PRIM2: variants seen among roughly 807,000 people sequenced by gnomAD.
PRIM2 encodes the protein DNA primase large subunit.
In PRIM2, 39 loss-of-function variants were observed where a neutral mutation model predicts 67.3. The observed-to-expected ratio is 0.58, with a 90% CI of 0.45 to 0.76. PRIM2 has a LOEUF of 0.76. Ranked by LOEUF, PRIM2 falls within the 30% of genes least tolerant of loss-of-function variation. PRIM2 has a pLI of 0.00. For missense variants in PRIM2, 398 were observed against 598.7 expected, an observed-to-expected ratio of 0.66 and a Z score of 3.50; for synonymous variants, 143 against 198.7, an observed-to-expected ratio of 0.72 and a Z score of 2.36.
At chr6:57,500,714 G>T (rs1554346777) in intron 7 of PRIM2, among the ~76,000 whole-genome samples, 7,577 of 152,238 alleles carry the variant, frequency 0.05, 357 homozygotes, top group African/African-American at 0.12. Flanking sequence ...TAACTGTCAT[G>T]GAGTCTTGGG....
intron 8 of PRIM2, among the ~76,000 whole-genome samples, chr6:57,510,262 G>T (rs1219009316): frequency 6.6e-6 from 1 of 152,092 alleles, no homozygotes; most frequent in Non-Finnish European, 1.5e-5. Context: ...TTGAATGAAT[G>T]AATACAAGTT....
chr6:57,230,433 A>G, the PRIM2 span, among the ~76,000 whole-genome samples: 4 of 152,018 alleles, frequency 2.6e-5, no homozygotes, highest in Non-Finnish European at 4.4e-5. Flanking sequence ...CTTTGTTTTG[A>G]CATAGGCTAT....
intron 7 of PRIM2, among the ~76,000 whole-genome samples, chr6:57,388,245 G>A (rs1379622185): frequency 1.3e-5 from 2 of 152,196 alleles, no homozygotes; most frequent in African/African-American, 4.8e-5. Flanking sequence ...TTAAATAGAT[G>A]ACTGTGGCTG....
chr6:57,325,301 C>G (rs1232579785), intron 4 of PRIM2, among the ~76,000 whole-genome samples: 1 of 91,858 alleles, frequency 1.1e-5, no homozygotes, highest in Non-Finnish European at 2.4e-5. Flanking sequence ...TTTTCTCTCT[C>G]TCTCTTTTTT....
chr6:57,631,323 G>A (rs1218523556), intron 12 of PRIM2, among the ~76,000 whole-genome samples: 1 of 152,108 alleles, frequency 6.6e-6, no homozygotes, highest in Non-Finnish European at 1.5e-5. Flanking sequence ...GCATTTTACT[G>A]CATTTGATAA....
chr6:57,345,175 T>C (rs1363431717), intron 5 of PRIM2, among the ~76,000 whole-genome samples: 1 of 152,066 alleles, frequency 6.6e-6, no homozygotes, highest in Non-Finnish European at 1.5e-5. Flanking sequence ...ATTTTTTTTT[T>C]TGAGACAGGG....
chr6:57,301,708 T>C, the PRIM2 span, among the ~76,000 whole-genome samples: 70 of 152,232 alleles, frequency 4.6e-4, no homozygotes, highest in African/African-American at 1.6e-3. Context: ...TGCTAGCTAC[T>C]TGGTGGCTGG....
intron 7 of PRIM2, among the ~76,000 whole-genome samples, chr6:57,397,897 T>A (rs1335620343): frequency 4.5e-5 from 1 of 22,358 alleles, no homozygotes; most frequent in Non-Finnish European, 8.7e-5. Context: ...ATCTTTCTAA[T>A]TTTTTTTTTT....
chr6:57,522,883 T>C (rs1292217073), intron 8 of PRIM2, among the ~76,000 whole-genome samples: 3 of 152,222 alleles, frequency 2.0e-5, no homozygotes, highest in Admixed American at 1.3e-4. Context: ...AAGTTGAATA[T>C]TTGTACTTTG....
intron 12 of PRIM2, among the ~76,000 whole-genome samples, chr6:57,613,710 C>T (rs1776704568): frequency 6.6e-6 from 1 of 152,180 alleles, no homozygotes; most frequent in Non-Finnish European, 1.5e-5. Flanking sequence ...AGCCCTACTT[C>T]CCACAGAGCA....
chr6:57,504,183 C>T (rs1554347105), intron 7 of PRIM2, among the ~76,000 whole-genome samples: 2 of 152,118 alleles, frequency 1.3e-5, no homozygotes, highest in Non-Finnish European at 2.9e-5. Context: ...GTACTTTGAA[C>T]GTATTTGACA....
intron 10 of PRIM2, among the ~76,000 whole-genome samples, chr6:57,542,498 A>G (rs1182590670): frequency 1.3e-5 from 2 of 152,142 alleles, no homozygotes; most frequent in Non-Finnish European, 2.9e-5. Context: ...CTGTGTAGCA[A>G]TATCATCAGT....
intron 12 of PRIM2, among the ~76,000 whole-genome samples, chr6:57,609,220 T>C (rs1256867953): frequency 2.0e-5 from 3 of 152,078 alleles, no homozygotes; most frequent in Admixed American, 2.0e-4. Flanking sequence ...AAGTAACTTA[T>C]TGGAGGAAGG....
At chr6:57,240,004 T>C in the PRIM2 span, among the ~76,000 whole-genome samples, 1 of 151,636 alleles carries the variant, frequency 6.6e-6, no homozygotes, top group Non-Finnish European at 1.5e-5. Context: ...GGAGGACAGA[T>C]ATTAAGAACA....
At chr6:57,374,543 C>T (rs1769688569) in intron 5 of PRIM2, among the ~76,000 whole-genome samples, 1 of 150,976 alleles carries the variant, frequency 6.6e-6, no homozygotes, top group South Asian at 2.1e-4. Context: ...CCGCCCGTCT[C>T]GGCCTCCCAA....
chr6:57,579,376 A>G (rs1245909586), intron 10 of PRIM2, among the ~76,000 whole-genome samples: 3 of 151,976 alleles, frequency 2.0e-5, no homozygotes, highest in African/African-American at 4.8e-5. Flanking sequence ...ATCTCATCAC[A>G]TTTGTCATTT....
At chr6:57,224,959 G>A in the PRIM2 span, among the ~76,000 whole-genome samples, 1 of 152,328 alleles carries the variant, frequency 6.6e-6, no homozygotes, top group African/African-American at 2.4e-5. Context: ...ACACTAGGAG[G>A]AGGAGATTCC....
intron 10 of PRIM2, among the ~76,000 whole-genome samples, chr6:57,538,021 T>TG (rs1775035475): frequency 6.6e-6 from 1 of 151,882 alleles, no homozygotes; most frequent in Admixed American, 6.6e-5. Context: ...CTTTTGTTTT[T>TG]TTTTTTCGAG....
chr6:57,260,858 G>C, the PRIM2 span, among the ~76,000 whole-genome samples: 1 of 152,160 alleles, frequency 6.6e-6, no homozygotes, highest in African/African-American at 2.4e-5. Flanking sequence ...AGAAGGAAAA[G>C]TCAGCAGGAA....
Sources: allele counts gnomAD v4.1 joint callset (sites outside exome capture counted in the v4.1 genomes callset), GRCh38; gene constraint gnomAD v4.1.1; transcripts MANE v1.5; gene names NCBI Gene and HGNC (gene_info 2026-07-23, HGNC 2026-07-21).